The following NDUFS4 variants were observed in gnomAD, a reference collection of about 807,000 sequenced individuals.
NDUFS4 encodes NADH dehydrogenase [ubiquinone] iron-sulfur protein 4, mitochondrial.
Under a neutral mutation model 24.3 loss-of-function variants are expected in NDUFS4, and 28 were observed. That is an observed-to-expected ratio of 1.15 (90% CI 0.85 to 1.58). NDUFS4 has a LOEUF of 1.58. Ranked by LOEUF, NDUFS4 falls within the 40% of genes most tolerant of loss-of-function variation. The pLI is 0.00. For missense variants in NDUFS4, 223 were observed against 207.9 expected (o/e 1.07, Z -0.45); for synonymous variants, 93 against 69.7 (o/e 1.34, Z -1.67).
chr5:53,650,830 G>T (rs1267165186), intron 3 of NDUFS4, among the ~76,000 whole-genome samples: 1 of 152,162 alleles, frequency 6.6e-6, no homozygotes, highest in Non-Finnish European at 1.5e-5. Flanking sequence ...CTTGCACAAA[G>T]GTTCACACAA....
At chr5:53,592,989 G>T (rs767292989) in intron 1 of NDUFS4, among the ~76,000 whole-genome samples, 2 of 152,082 alleles carry the variant, frequency 1.3e-5, no homozygotes, top group Admixed American at 6.6e-5. Context: ...ATTTATAAGA[G>T]AATTAGTCTA....
chr5:53,681,751 C>G (rs1169850691), intron 4 of NDUFS4, among the ~76,000 whole-genome samples: 2 of 151,950 alleles, frequency 1.3e-5, no homozygotes, highest in Non-Finnish European at 2.9e-5. Context: ...AGATGGAGTT[C>G]CAGCAGTTGG....
intron 3 of NDUFS4, among the ~76,000 whole-genome samples, chr5:53,651,774 CTTT>C (rs34235265): frequency 1.4e-4 from 17 of 118,034 alleles, no homozygotes; most frequent in East Asian, 5.0e-4. Flanking sequence ...TAACTTTATT[CTTT>C]TTTTTTTTTT....
At chr5:53,608,264 G>A (rs1316426123) in intron 2 of NDUFS4, among the ~76,000 whole-genome samples, 1 of 152,174 alleles carries the variant, frequency 6.6e-6, no homozygotes, top group African/African-American at 2.4e-5. Context: ...GATCAGCTGA[G>A]CCTTTAGGGA....
intron 1 of NDUFS4, 116 bp from the exon 2 acceptor site, chr5:53,603,336 C>CTTTTTTT: frequency 5.3e-5 from 27 of 508,604 alleles, no homozygotes; most frequent in East Asian, 2.3e-4. Context: ...CTTTCCTTTC[C>CTTTTTTT]TTTTTTTTTT....
intron 1 of NDUFS4, among the ~76,000 whole-genome samples, chr5:53,601,886 T>A (rs1003952661): frequency 6.6e-6 from 1 of 152,178 alleles, no homozygotes; most frequent in African/African-American, 2.4e-5. Context: ...TAACCTTTAT[T>A]TTACTTAATT....
At chr5:53,660,890 C>G (rs1752322164) in intron 4 of NDUFS4, among the ~76,000 whole-genome samples, 1 of 152,132 alleles carries the variant, frequency 6.6e-6, no homozygotes, top group Non-Finnish European at 1.5e-5. Context: ...ATTGTAGATT[C>G]TGGATATTAG....
chr5:53,582,230 T>TAAAATAAAATA (rs1227826515), intron 1 of NDUFS4, among the ~76,000 whole-genome samples: 10 of 143,276 alleles, frequency 7.0e-5, no homozygotes, highest in African/African-American at 2.6e-4. Context: ...TAAAATAAAA[T>TAAAATAAAATA]AAAATAAAAT....
At chr5:53,632,575 C>G (rs559925334) in intron 2 of NDUFS4, among the ~76,000 whole-genome samples, 1 of 152,118 alleles carries the variant, frequency 6.6e-6, no homozygotes, top group Non-Finnish European at 1.5e-5. Context: ...GAATGCCAAT[C>G]CCTACCTTTT....
chr5:53,589,359 G>A (rs1193197267), intron 1 of NDUFS4, among the ~76,000 whole-genome samples: 4 of 152,196 alleles, frequency 2.6e-5, no homozygotes, highest in Admixed American at 6.5e-5. Context: ...TCTTGTTCAT[G>A]TTGCATTTCC....
At chr5:53,626,896 A>G (rs1751245667) in intron 2 of NDUFS4, among the ~76,000 whole-genome samples, 1 of 152,154 alleles carries the variant, frequency 6.6e-6, no homozygotes, top group Non-Finnish European at 1.5e-5. Flanking sequence ...ATTAGATCCC[A>G]TATGTCTATT....
chr5:53,648,725 A>G (rs1299296410), intron 3 of NDUFS4, among the ~76,000 whole-genome samples: 2 of 152,214 alleles, frequency 1.3e-5, no homozygotes, highest in Non-Finnish European at 2.9e-5. Flanking sequence ...TAATGGCAAT[A>G]CTATGAGACA....
At chr5:53,627,864 AC>A (rs2112485753) in intron 2 of NDUFS4, among the ~76,000 whole-genome samples, 1 of 152,168 alleles carries the variant, frequency 6.6e-6, no homozygotes, top group South Asian at 2.1e-4. Context: ...CTAATTGAAT[AC>A]CCTTTATTTC....
At chr5:53,624,848 A>G (rs950641226) in intron 2 of NDUFS4, among the ~76,000 whole-genome samples, 2 of 152,174 alleles carry the variant, frequency 1.3e-5, no homozygotes, top group African/African-American at 4.8e-5. Flanking sequence ...TAGAACTTCC[A>G]GTACTACATT....
At chr5:53,612,179 A>C (rs1246372594) in intron 2 of NDUFS4, among the ~76,000 whole-genome samples, 1 of 152,196 alleles carries the variant, frequency 6.6e-6, no homozygotes, top group African/African-American at 2.4e-5. Flanking sequence ...GTTGGCTGCT[A>C]TCTCTCCTTC....
intron 3 of NDUFS4, among the ~76,000 whole-genome samples, chr5:53,652,624 T>C (rs1285004607): frequency 3.9e-5 from 6 of 152,188 alleles, no homozygotes; most frequent in Admixed American, 6.5e-5. Flanking sequence ...TTAAGATAAA[T>C]GTGTTTGATC....
At chr5:53,583,902 A>G (rs1382332225) in intron 1 of NDUFS4, among the ~76,000 whole-genome samples, 1 of 152,236 alleles carries the variant, frequency 6.6e-6, no homozygotes, top group East Asian at 1.9e-4. Flanking sequence ...TGTACTGCAC[A>G]TAATAAGTAC....
In NDUFS4 at chr5:53,603,550, C is replaced by T. The variant is rs749272992; in HGVS notation, c.177+20C>T. On this transcript the variant is annotated intron_variant, in intron 2 of 4. Transcript: ENST00000296684. ...AAATTGGTAAGGATTTTCTACTACA[C>T]ACTGCTATGGTTCTGCCTTCAGGGT... is the stretch of plus-strand genomic sequence containing the variant. The T allele has an allele frequency of 4.4e-6, 7 of 1,582,134 alleles. No individual in the cohort carries two copies. The highest frequency in any genetic ancestry group is 4.3e-6 in the Non-Finnish European group (5 of 1,151,266).
chr5:53,573,116 T>C (rs1012311908), intron 1 of NDUFS4, among the ~76,000 whole-genome samples: 1 of 151,346 alleles, frequency 6.6e-6, no homozygotes, highest in Admixed American at 6.6e-5. Context: ...AGACTACAGG[T>C]GCATACCACC....
Sources: gnomAD v4.1 joint callset for allele counts (sites outside exome capture counted in the v4.1 genomes callset) on GRCh38, gnomAD v4.1.1 for gene constraint, MANE v1.5 for transcripts, NCBI Gene and HGNC (gene_info 2026-07-23, HGNC 2026-07-21) for gene names.